RBFOX1: variants seen among roughly 807,000 people sequenced by gnomAD.
The protein encoded by RBFOX1 is RNA binding protein fox-1 homolog 1.
In RBFOX1, 8 loss-of-function variants were observed where a neutral mutation model predicts 57.7. That is an observed-to-expected ratio of 0.14 (90% CI 0.08 to 0.25). The LOEUF (loss-of-function observed/expected upper bound fraction) is 0.25. Among genes scored for constraint, RBFOX1 ranks in the 10% least tolerant of loss-of-function variants. The pLI is 1.00. For synonymous variants in RBFOX1, 326 were observed against 222.4 expected (o/e 1.47, Z -4.15); for missense variants, 611 against 548.5 (o/e 1.11, Z -1.14).
At chr16:6,684,296 C>G (rs1019236159) in intron 3 of RBFOX1, among the ~76,000 whole-genome samples, 5 of 152,132 alleles carry the variant, frequency 3.3e-5, no homozygotes, top group South Asian at 2.1e-4. Flanking sequence ...CTCCCAGGCG[C>G]CAGCCACTGT....
At chr16:7,404,978 T>C (rs1468036623) in intron 4 of RBFOX1, among the ~76,000 whole-genome samples, 1 of 152,170 alleles carries the variant, frequency 6.6e-6, no homozygotes, top group Non-Finnish European at 1.5e-5. Flanking sequence ...GAGATGATTT[T>C]ACTCCACAGC....
At chr16:6,602,901 C>T (rs1335116803) in intron 2 of RBFOX1, among the ~76,000 whole-genome samples, 1 of 152,158 alleles carries the variant, frequency 6.6e-6, no homozygotes, top group African/African-American at 2.4e-5. Flanking sequence ...AAGACTCTTT[C>T]CCAAATCCTG....
chr16:7,018,857 G>GACTGT (rs1568391742), intron 3 of RBFOX1, among the ~76,000 whole-genome samples: 1 of 151,976 alleles, frequency 6.6e-6, no homozygotes, highest in Non-Finnish European at 1.5e-5. Flanking sequence ...AGTGGCTGAC[G>GACTGT]ACTGTAATCT....
chr16:7,416,074 C>A (rs2098474826), intron 4 of RBFOX1, among the ~76,000 whole-genome samples: 1 of 151,408 alleles, frequency 6.6e-6, no homozygotes, highest in African/African-American at 2.5e-5. Context: ...TCCTTTCTTT[C>A]TTATTAAACC....
intron 3 of RBFOX1, among the ~76,000 whole-genome samples, chr16:6,725,719 C>T (rs1016277): frequency 0.44 from 67,294 of 151,974 alleles, 17,891 homozygotes; most frequent in Non-Finnish European, 0.59. Context: ...ACTCTATATT[C>T]AGGGTAGATT....
intron 3 of RBFOX1, among the ~76,000 whole-genome samples, chr16:5,639,862 C>A (rs775671992): frequency 6.6e-6 from 1 of 152,174 alleles, no homozygotes; most frequent in Non-Finnish European, 1.5e-5. Flanking sequence ...GCCTTTGAAG[C>A]CCCACAGCAT....
At chr16:7,305,877 A>G (rs2096171118) in intron 4 of RBFOX1, among the ~76,000 whole-genome samples, 1 of 152,190 alleles carries the variant, frequency 6.6e-6, no homozygotes. Context: ...TTGATAACAT[A>G]TTATATGCTT....
chr16:7,592,270 C>T (rs1475930228), intron 7 of RBFOX1, among the ~76,000 whole-genome samples: 1 of 152,194 alleles, frequency 6.6e-6, no homozygotes, highest in Non-Finnish European at 1.5e-5. Flanking sequence ...AAAGTGAGAA[C>T]TTGAGAATAG....
At chr16:6,526,796 C>G (rs938806516) in intron 2 of RBFOX1, among the ~76,000 whole-genome samples, 8 of 134,418 alleles carry the variant, frequency 6.0e-5, no homozygotes, top group Non-Finnish European at 9.2e-5. Context: ...CACTACCACA[C>G]TCCACCCTTG....
Position 6,928,045 on chromosome 16 carries a change from C to T in RBFOX1, c.-15-124012C>T, listed in dbSNP as rs928525301. Among the ~76,000 whole-genome samples the T allele has an allele frequency of 4.6e-5, 7 of 152,126 alleles. No homozygotes were observed. In the South Asian group the frequency reaches 8.3e-4, roughly 18 times the overall value. On this transcript the variant is annotated intron_variant, in intron 3 of 15. Transcript: ENST00000550418. ...CCCACCCCTCTAGATTTATAATTTC[C>T]CCAACTTGGGTTGAAGCCCCAGATG...
At chr16:7,440,194 C>T (rs374851219) in intron 4 of RBFOX1, among the ~76,000 whole-genome samples, 13 of 152,034 alleles carry the variant, frequency 8.6e-5, no homozygotes, top group African/African-American at 4.8e-5. Context: ...CTGTGTCTGG[C>T]CCCAAATGTT....
At chr16:5,851,590 A>G (rs1199732438) in intron 3 of RBFOX1, among the ~76,000 whole-genome samples, 1 of 152,154 alleles carries the variant, frequency 6.6e-6, no homozygotes, top group Non-Finnish European at 1.5e-5. Context: ...AGCAATTACC[A>G]AGTTTCTTCT....
chr16:7,375,087 C>A (rs938131691), intron 4 of RBFOX1, among the ~76,000 whole-genome samples: 3 of 152,170 alleles, frequency 2.0e-5, no homozygotes, highest in Non-Finnish European at 4.4e-5. Context: ...TTTTTTATTT[C>A]TGCTATGTTT....
chr16:7,257,547 A>C (rs546727193), intron 4 of RBFOX1, among the ~76,000 whole-genome samples: 1 of 152,114 alleles, frequency 6.6e-6, no homozygotes, highest in African/African-American at 2.4e-5. Flanking sequence ...TAGAGACCTC[A>C]CTGTCTCCCA....
At chr16:6,613,924 T>C (rs1349766092) in intron 2 of RBFOX1, among the ~76,000 whole-genome samples, 1 of 152,064 alleles carries the variant, frequency 6.6e-6, no homozygotes, top group African/African-American at 2.4e-5. Flanking sequence ...GGCGACAGAG[T>C]GTGACTCAGT....
chr16:5,513,258 C>T (rs2043671172), intron 2 of RBFOX1, among the ~76,000 whole-genome samples: 1 of 152,070 alleles, frequency 6.6e-6, no homozygotes, highest in African/African-American at 2.4e-5. Context: ...CTCAGGGTAT[C>T]TTGGTCAGGT....
At chr16:6,954,748 T>C (rs552593664) in intron 3 of RBFOX1, among the ~76,000 whole-genome samples, 2 of 152,202 alleles carry the variant, frequency 1.3e-5, no homozygotes, top group East Asian at 3.9e-4. Flanking sequence ...GAACATGCCC[T>C]CCAGAGGATC....
intron 2 of RBFOX1, among the ~76,000 whole-genome samples, chr16:6,559,988 A>T (rs559859773): frequency 3.9e-5 from 6 of 152,134 alleles, no homozygotes; most frequent in Non-Finnish European, 8.8e-5. Context: ...GTCACAGGCC[A>T]TTGTTCTTCA....
At position 6,995,239 on chromosome 16, in the gene RBFOX1, C is replaced by T. The variant is rs191696427; in HGVS notation, c.-15-56818C>T. ...TCAATTAATTAGAGCATATGATTTA[C>T]ATTAGTCAAACCTGTATTGATTACA... On this transcript the variant is annotated intron_variant, in intron 3 of 15. Transcript: ENST00000550418. 3.4e-5 allele frequency among the ~76,000 whole-genome samples: 5 copies of T among 147,474 alleles called. No homozygotes were observed. In the East Asian group the frequency reaches 6.3e-4, roughly 19 times the overall value.
Sources: allele counts gnomAD v4.1 joint callset (sites outside exome capture counted in the v4.1 genomes callset), GRCh38; gene constraint gnomAD v4.1.1; transcripts MANE v1.5; gene names NCBI Gene and HGNC (gene_info 2026-07-23, HGNC 2026-07-21).